HRK: variants seen among roughly 807,000 people sequenced by gnomAD.
HRK encodes the protein activator of apoptosis harakiri.
HRK carries 6 observed loss-of-function variants against 5.9 expected under a neutral mutation model. The observed-to-expected ratio is 1.02, with a 90% CI of 0.56 to 2.01. The LOEUF (loss-of-function observed/expected upper bound fraction) is 2.01, where lower values mean the gene tolerates loss of function less well. Ranked by LOEUF, HRK falls within the 30% of genes most tolerant of loss-of-function variation. The probability of loss-of-function intolerance (pLI) is 0.00; values close to 1 mark genes in which losing one functional copy is unlikely to be tolerated. For synonymous variants in HRK, 85 were observed against 65.1 expected (o/e 1.31, Z -1.47); for missense variants, 133 against 128.3 (o/e 1.04, Z -0.18).
At chr12:116,874,366 A>C (rs1054700479) in intron 1 of HRK, among the ~76,000 whole-genome samples, 2 of 152,096 alleles carry the variant, frequency 1.3e-5, no homozygotes, top group Non-Finnish European at 2.9e-5. Flanking sequence ...CCTTTCTGTC[A>C]TTCAAGTCCA....
rs1339238081 is a variant in HRK at position 116,878,992 on chromosome 12, G to C, written c.*56+1984C>G. 1.3e-5 allele frequency: 2 copies of C among 152,354 alleles called. No individual in the cohort carries two copies. The highest frequency in any genetic ancestry group is 3.4e-3 in the Middle Eastern group (1 of 296). The allele number at this position is 152,354 out of a possible 1,614,324, so 9.4% of individuals were successfully genotyped here. The stretch of plus-strand genomic sequence containing the variant: ...TTACCCAACTCCTCCCCTGCGCTCC[G>C]GCGCAGAGCGGCGCAATCTGCCCGC... On this transcript the variant is annotated intron_variant, in intron 1 of 1. Transcript: ENST00000257572. The surrounding 1 kb of genome is among the most constrained non-coding windows in gnomAD (Gnocchi z 4.4).
chr12:116,866,470 G>A (rs1878552005), intron 1 of HRK, among the ~76,000 whole-genome samples: 1 of 151,794 alleles, frequency 6.6e-6, no homozygotes, highest in African/African-American at 2.4e-5. Flanking sequence ...TCCGGTCCAT[G>A]TTATCCCTTA....
At chr12:116,869,941 G>A (rs541099911) in intron 1 of HRK, among the ~76,000 whole-genome samples, 4 of 152,256 alleles carry the variant, frequency 2.6e-5, no homozygotes, top group East Asian at 1.9e-4. Flanking sequence ...TTAGCTGGGC[G>A]TGGTGGTGGG....
chr12:116,869,452 G>C (rs1381925004), intron 1 of HRK: 2 of 152,302 alleles, frequency 1.3e-5, no homozygotes, highest in South Asian at 4.1e-4. Flanking sequence ...CATGTAGAGG[G>C]GGCTGAATCT....
At position 116,878,318 on chromosome 12, in the gene HRK, C is replaced by T. The variant is rs1050516222; in HGVS notation, c.*56+2658G>A. ...ACCCTATATGGCTGGCACAGGCCTC[C>T]CTCAAACACCTAAGGTACAGCTGTG... On this transcript the variant is annotated intron_variant, in intron 1 of 1. Coordinates refer to ENST00000257572, the MANE Select transcript of HRK (RefSeq NM_003806.4). This position sits in a 1 kb window ranked among gnomAD's most constrained non-coding sequence, Gnocchi z 4.4. 1.3e-5 allele frequency: 2 copies of T among 152,288 alleles called. No homozygotes were observed. The highest frequency in any genetic ancestry group is 4.8e-5 in the African/African-American group (2 of 41,422). 9.4% of individuals were successfully genotyped at this position (152,288 alleles called of 1,614,324 possible).
In HRK at chr12:116,858,030, G is replaced by A. The variant is rs1259503541; in HGVS notation, c.*3493C>T. On this transcript the variant is annotated 3_prime_UTR_variant, in exon 2 of 2. Transcript: ENST00000257572. ...GCTCGCACCACTGCACTCCAGCCTGGGTGACAGAGTGAGACTCTGTCTCAA... is the reference window on the plus strand; with the variant it reads ...GCTCGCACCACTGCACTCCAGCCTGAGTGACAGAGTGAGACTCTGTCTCAA... The A allele has an allele frequency of 4.0e-5, 6 of 150,346 alleles. No homozygotes were observed. Among genetic ancestry groups the A allele is most frequent in the Non-Finnish European group, 7.4e-5 (5 of 67,708 alleles). The allele number at this position is 150,346 out of a possible 1,614,324, so 9.3% of individuals were successfully genotyped here. A position where few individuals can be genotyped will look rare whatever the true frequency, so the allele number is the denominator to read the frequency against.
At position 116,859,901 on chromosome 12, in the gene HRK, T is replaced by TG. The variant is rs1419826941; in HGVS notation, c.*1621dup. On this transcript the variant is annotated 3_prime_UTR_variant, in exon 2 of 2. Coordinates refer to ENST00000257572, the MANE Select transcript of HRK (RefSeq NM_003806.4). ...TCAGCCGCATCCACCTTAACAAATG[T>TG]GGATCCCACTGCTGGCTTCTTAGAA... is the stretch of plus-strand genomic sequence containing the variant. The TG allele has an allele frequency of 6.6e-6, 1 of 152,164 alleles. No individual in the cohort carries two copies. The highest frequency in any genetic ancestry group is 1.5e-5 in the Non-Finnish European group (1 of 68,036). 9.4% of individuals were successfully genotyped at this position (152,164 alleles called of 1,614,324 possible).
rs1878253688 is a variant in HRK at position 116,858,870 on chromosome 12, T to C, written c.*2653A>G. The C allele has an allele frequency of 6.6e-6, 1 of 151,892 alleles. No individual in the cohort carries two copies. Among genetic ancestry groups the C allele is most frequent in the Admixed American group, 6.6e-5 (1 of 15,250 alleles). 9.4% of individuals were successfully genotyped at this position (151,892 alleles called of 1,614,324 possible). A position where few individuals can be genotyped will look rare whatever the true frequency, so the allele number is the denominator to read the frequency against. ...CCACTATCTCATGCAATCCAAGTAA[T>C]ACAACAGGAGAGATGGTGGAGACAA... is the stretch of plus-strand genomic sequence containing the variant. On this transcript the variant is annotated 3_prime_UTR_variant, in exon 2 of 2. Coordinates refer to ENST00000257572, the MANE Select transcript of HRK (RefSeq NM_003806.4).
chr12:116,872,907 A>AAGAG (rs151037164), intron 1 of HRK, among the ~76,000 whole-genome samples: 3,899 of 138,532 alleles, frequency 0.028, 174 homozygotes, highest in African/African-American at 0.096. Context: ...AAGAGAGAAA[A>AAGAG]AGAGAAAGGA....
chr12:116,867,994 CTTTCTAAAGGGG>C (rs1278743734), intron 1 of HRK, among the ~76,000 whole-genome samples: 4 of 152,130 alleles, frequency 2.6e-5, no homozygotes, highest in Non-Finnish European at 4.4e-5. Flanking sequence ...TGTTTTTGTG[CTTTCTAAAGGGG>C]TTTCTGACAT....
chr12:116,874,699 C>T (rs1323863730), intron 1 of HRK, among the ~76,000 whole-genome samples: 1 of 152,214 alleles, frequency 6.6e-6, no homozygotes, highest in Non-Finnish European at 1.5e-5. Context: ...GCAGCTTCCA[C>T]CTAGTTCCCT....
chr12:116,863,464 C>T (rs1878435503), intron 1 of HRK, among the ~76,000 whole-genome samples: 1 of 152,174 alleles, frequency 6.6e-6, no homozygotes, highest in African/African-American at 2.4e-5. Flanking sequence ...ATGGCCAAGC[C>T]TGGGTACTGC....
In HRK at chr12:116,879,577, G is replaced by C. The variant is rs1164681353; in HGVS notation, c.*56+1399C>G. On this transcript the variant is annotated intron_variant, in intron 1 of 1. Coordinates refer to ENST00000257572, the MANE Select transcript of HRK (RefSeq NM_003806.4). The surrounding 1 kb of genome is among the most constrained non-coding windows in gnomAD (Gnocchi z 5.6). ...TCCAACAGGAGAGAGAGAAGGTAGG[G>C]AGAAGTGGATGGGACCCCCGGCGCC... 2 of 152,214 alleles carry C rather than the reference G, an allele frequency of 1.3e-5. No homozygotes were observed. The highest frequency in any genetic ancestry group is 4.1e-4 in the South Asian group (2 of 4,832). 9.4% of individuals were successfully genotyped at this position (152,214 alleles called of 1,614,324 possible).
chr12:116,876,430 T>C (rs950423607), intron 1 of HRK, among the ~76,000 whole-genome samples: 11 of 152,252 alleles, frequency 7.2e-5, no homozygotes, highest in African/African-American at 2.7e-4. Flanking sequence ...TTAGCATGTC[T>C]GGCTGGTGGG....
intron 1 of HRK, among the ~76,000 whole-genome samples, chr12:116,863,108 A>G (rs139984380): frequency 6.6e-6 from 1 of 152,322 alleles, no homozygotes; most frequent in Non-Finnish European, 1.5e-5. Context: ...ATTCTAAAGC[A>G]GGTGGCATAT....
chr12:116,876,206 T>C (rs1399778092), intron 1 of HRK, among the ~76,000 whole-genome samples: 1 of 152,210 alleles, frequency 6.6e-6, no homozygotes, highest in African/African-American at 2.4e-5. Flanking sequence ...AGAGACCATG[T>C]GGCAGGAAGG....
intron 1 of HRK, among the ~76,000 whole-genome samples, chr12:116,867,358 G>T (rs572477019): frequency 6.6e-6 from 1 of 151,714 alleles, no homozygotes; most frequent in African/African-American, 2.4e-5. Context: ...TGGCCAGGCT[G>T]GTCTCGAACT....
Position 116,857,168 on chromosome 12 carries a change from T to A in HRK, c.*4355A>T, listed in dbSNP as rs1291165528. ...CGTGAACCAGACTGGAAAGGAACAT[T>A]TCACATCATCTGCTTCCGAGCAGGA... On this transcript the variant is annotated 3_prime_UTR_variant, in exon 2 of 2. Transcript: ENST00000257572. 2 of 152,230 alleles carry A rather than the reference T, an allele frequency of 1.3e-5. No homozygotes were observed. Among genetic ancestry groups the A allele is most frequent in the African/African-American group, 4.8e-5 (2 of 41,452 alleles). The allele number at this position is 152,230 out of a possible 1,614,324, so 9.4% of individuals were successfully genotyped here. A position where few individuals can be genotyped will look rare whatever the true frequency, so the allele number is the denominator to read the frequency against.
intron 1 of HRK, among the ~76,000 whole-genome samples, chr12:116,874,968 G>T (rs1360919947): frequency 1.3e-5 from 2 of 152,130 alleles, no homozygotes; most frequent in African/African-American, 4.8e-5. Flanking sequence ...TGTGAGCATG[G>T]TCAAATATGT....
Sources: gnomAD v4.1 joint callset for allele counts (sites outside exome capture counted in the v4.1 genomes callset) on GRCh38, gnomAD v4.1.1 for gene constraint, Gnocchi (gnomAD v3.1) non-coding constraint, MANE v1.5 for transcripts, NCBI Gene and HGNC (gene_info 2026-07-23, HGNC 2026-07-21) for gene names.